The following ANK3 variants were observed in gnomAD, a reference collection of about 807,000 sequenced individuals.
ANK3 encodes ankyrin-3.
ANK3 carries 57 observed loss-of-function variants against 370.9 expected under a neutral mutation model. That is an observed-to-expected ratio of 0.15 (90% CI 0.12 to 0.19). The LOEUF (loss-of-function observed/expected upper bound fraction) is 0.19. Among genes scored for constraint, ANK3 ranks in the 10% least tolerant of loss-of-function variants. The probability of loss-of-function intolerance (pLI) is 1.00; values close to 1 mark genes in which losing one functional copy is unlikely to be tolerated. For synonymous variants in ANK3, 1,929 were observed against 1,946.3 expected (o/e 0.99, Z 0.23); for missense variants, 4,439 against 5,302.1 (o/e 0.84, Z 5.06).
intron 16 of ANK3, among the ~76,000 whole-genome samples, chr10:60,190,484 A>G (rs139733438): frequency 1.3e-5 from 2 of 152,152 alleles, no homozygotes; most frequent in East Asian, 3.9e-4. Context: ...AAAACAGACA[A>G]ACTTCTCTGG....
At chr10:60,462,046 C>G (rs1366132714) in intron 2 of ANK3, among the ~76,000 whole-genome samples, 2 of 151,970 alleles carry the variant, frequency 1.3e-5, no homozygotes, top group Non-Finnish European at 2.9e-5. Context: ...GAAACTAGAA[C>G]AAAGAAGAGA....
intron 12 of ANK3, among the ~76,000 whole-genome samples, chr10:60,202,203 C>A (rs1420577272): frequency 6.6e-6 from 1 of 152,046 alleles, no homozygotes; most frequent in Non-Finnish European, 1.5e-5. Context: ...CTCACCGCAA[C>A]CTCCGCCTCC....
intron 2 of ANK3, among the ~76,000 whole-genome samples, chr10:60,570,503 G>A (rs547415472): frequency 6.6e-6 from 1 of 152,230 alleles, no homozygotes; most frequent in East Asian, 1.9e-4. Context: ...TCAGAAGAAT[G>A]ATTTAATTCA....
At chr10:60,079,214 C>CAA (rs2084575389) in intron 36 of ANK3, among the ~76,000 whole-genome samples, 2 of 150,922 alleles carry the variant, frequency 1.3e-5, no homozygotes, top group African/African-American at 4.9e-5. Flanking sequence ...CACACACACA[C>CAA]ACACACACAC....
chr10:60,193,240 T>C (rs923976299), intron 16 of ANK3, among the ~76,000 whole-genome samples: 1 of 152,248 alleles, frequency 6.6e-6, no homozygotes, highest in African/African-American at 2.4e-5. Context: ...TTTAAAGGAT[T>C]GCTTTTCTTT....
chr10:60,148,119 G>A (rs1017172207), intron 23 of ANK3, among the ~76,000 whole-genome samples: 3 of 152,108 alleles, frequency 2.0e-5, no homozygotes, highest in Admixed American at 6.5e-5. Flanking sequence ...TGAGAGCCTG[G>A]CATTGTAGGT....
At chr10:60,728,233 T>G (rs1291829109) in intron 1 of ANK3, among the ~76,000 whole-genome samples, 1 of 152,212 alleles carries the variant, frequency 6.6e-6, no homozygotes, top group Non-Finnish European at 1.5e-5. Context: ...GTTCTCCACC[T>G]ACTACGGGAA....
chr10:60,527,602 A>G (rs2076504179), intron 2 of ANK3, among the ~76,000 whole-genome samples: 1 of 152,150 alleles, frequency 6.6e-6, no homozygotes, highest in Non-Finnish European at 1.5e-5. Context: ...GTCCTCCTCA[A>G]TTCAAGTAAC....
At chr10:60,044,054 T>A (rs2076551324) in intron 42 of ANK3, 2 of 985,690 alleles carry the variant, frequency 2.0e-6, no homozygotes, top group Non-Finnish European at 2.4e-6. Flanking sequence ...ACATTCTCTT[T>A]GGCAATCCCT....
At chr10:60,056,113 A>C (rs1413344344) in intron 41 of ANK3, 77 bp from the exon 42 acceptor site, 2 of 1,478,942 alleles carry the variant, frequency 1.4e-6, no homozygotes, top group African/African-American at 2.8e-5. Flanking sequence ...AAGTTTTAAG[A>C]ACTGTGTCTT....
intron 1 of ANK3, among the ~76,000 whole-genome samples, chr10:60,730,870 C>T (rs1028193922): frequency 6.6e-6 from 1 of 152,170 alleles, no homozygotes; most frequent in Non-Finnish European, 1.5e-5. Flanking sequence ...AATTAAAATT[C>T]ATTATGTGTT....
At position 60,515,944 on chromosome 10, in the gene ANK3, A is replaced by C. The variant is rs371212275; in HGVS notation, c.96+99242T>G. Among the ~76,000 whole-genome samples, 8 of 152,300 alleles carry C rather than the reference A, an allele frequency of 5.3e-5. No homozygotes were observed. The South Asian group carries it at 6.2e-4, about 12-fold the overall frequency. ...AAGTAAATGCATTCTCTTATAATCC[A>C]GAGCTTGCAATCTAGTAAGGGAGAT... is the stretch of plus-strand genomic sequence containing the variant. On this transcript the variant is annotated intron_variant, in intron 2 of 43. Transcript: ENST00000373827.
At position 60,074,169 on chromosome 10, in the gene ANK3, T is replaced by C. The variant is rs781367135; in HGVS notation, c.6712A>G (p.Met2238Val). 7 of 1,613,986 alleles carry C rather than the reference T, an allele frequency of 4.3e-6. No homozygotes were observed. The highest frequency in any genetic ancestry group is 2.5e-6 in the Non-Finnish European group (3 of 1,179,996). ...ATGTGAGTCTCTTCTTTAACACGCA[T>C]GCCTTTGCTTAAAACCCGATTGTGG... ...DDHNRVLSKGMRVKEETHITT... is the reference protein window; with the variant it reads ...DDHNRVLSKGVRVKEETHITT... The change falls in exon 37 of 44, where the codon ATG becomes GTG. Residue 2238 changes from methionine (M) to valine (V), a missense_variant. Transcript: ENST00000280772.
At chr10:60,131,002 T>C (rs954467590) in intron 25 of ANK3, among the ~76,000 whole-genome samples, 34 of 152,262 alleles carry the variant, frequency 2.2e-4, no homozygotes, top group African/African-American at 7.7e-4. Context: ...ATATTTGCTT[T>C]AACTTTATCC....
At chr10:60,553,606 T>G (rs745967640) in intron 2 of ANK3, among the ~76,000 whole-genome samples, 1 of 152,168 alleles carries the variant, frequency 6.6e-6, no homozygotes, top group Non-Finnish European at 1.5e-5. Context: ...ATCTCTTCAG[T>G]GCCTTGGGGA....
intron 23 of ANK3, chr10:60,140,332 G>C: frequency 6.2e-7 from 1 of 1,613,150 alleles, no homozygotes; most frequent in Non-Finnish European, 8.5e-7. Flanking sequence ...CACACACCAA[G>C]TACAACTCAA....
Position 60,116,841 on chromosome 10 carries a change from C to G in ANK3, c.2842-2510G>C, listed in dbSNP as rs4948252. The stretch of plus-strand genomic sequence containing the variant: ...ACAATTTAAGAAACTTTTCCAGAGC[C>G]AAAGACAGAGGTTGCCAGCGTAAAA... On this transcript the variant is annotated intron_variant, in intron 25 of 43. Coordinates refer to ENST00000280772, the MANE Select transcript of ANK3 (RefSeq NM_020987.5). Among the ~76,000 whole-genome samples the G allele has an allele frequency of 2.3e-4, 35 of 151,696 alleles. No individual in the cohort carries two copies. The South Asian group carries it at 4.4e-3, about 19-fold the overall frequency.
intron 2 of ANK3, among the ~76,000 whole-genome samples, chr10:60,452,536 T>C (rs1352509368): frequency 2.0e-5 from 3 of 152,158 alleles, no homozygotes; most frequent in African/African-American, 4.8e-5. Context: ...TCGATTGCCT[T>C]AAAAGGAGGG....
chr10:60,316,870 C>T (rs10994299), intron 1 of ANK3, among the ~76,000 whole-genome samples: 1 of 151,924 alleles, frequency 6.6e-6, no homozygotes, highest in Non-Finnish European at 1.5e-5. Context: ...GCCTCAGCCT[C>T]CCGAGTAGCT....
Sources: gnomAD v4.1 joint callset for allele counts (sites outside exome capture counted in the v4.1 genomes callset) on GRCh38, gnomAD v4.1.1 for gene constraint, MANE v1.5 for transcripts, NCBI Gene and HGNC (gene_info 2026-07-23, HGNC 2026-07-21) for gene names.